KLF12: variants seen among roughly 807,000 people sequenced by gnomAD.
The protein encoded by KLF12 is KLF transcription factor 12, also known as Krueppel-like factor 12.
A neutral mutation model predicts 37.8 loss-of-function variants in KLF12; 9 were observed. That is an observed-to-expected ratio of 0.24 (90% confidence interval 0.14 to 0.42). The LOEUF is 0.42. Among genes scored for constraint, KLF12 ranks in the 10% least tolerant of loss-of-function variants. KLF12 has a pLI of 1.00. For missense variants in KLF12, 411 were observed against 516.0 expected (o/e 0.80, Z 1.97); for synonymous variants, 208 against 202.1 (o/e 1.03, Z -0.25).
intron 3 of KLF12, among the ~76,000 whole-genome samples, chr13:73,872,790 A>C (rs1886532550): frequency 6.6e-6 from 1 of 152,186 alleles, no homozygotes; most frequent in South Asian, 2.1e-4. Flanking sequence ...AGTGGTAAGC[A>C]ATGGAAGGCT....
Position 74,069,788 on chromosome 13 carries a change from G to A in KLF12, c.-32+63951C>T, listed in dbSNP as rs74560202. Among the ~76,000 whole-genome samples, 397 of 152,200 alleles carry A rather than the reference G, an allele frequency of 2.6e-3. 5 individuals are homozygous for A. Among genetic ancestry groups the A allele is most frequent in the African/African-American group, 9.2e-3 (381 of 41,538 alleles). ...AGCATGACTTGGTGACTCATGAGAC[G>A]TGAAAAGAGTGAAGGATAATACTGA... On this transcript the variant is annotated intron_variant, in intron 1 of 7. Transcript: ENST00000377669.
the KLF12 span, among the ~76,000 whole-genome samples, chr13:74,281,198 C>A: frequency 6.6e-6 from 1 of 151,890 alleles, no homozygotes; most frequent in Non-Finnish European, 1.5e-5. Context: ...TCTTAAGACA[C>A]CCACACACTA....
At chr13:74,083,917 G>A (rs1369517133) in intron 1 of KLF12, among the ~76,000 whole-genome samples, 1 of 152,156 alleles carries the variant, frequency 6.6e-6, no homozygotes, top group Non-Finnish European at 1.5e-5. Context: ...TATGAACTAG[G>A]CAGAAGTTTT....
At chr13:74,163,363 T>C in the KLF12 span, among the ~76,000 whole-genome samples, 8 of 152,098 alleles carry the variant, frequency 5.3e-5, no homozygotes, top group Non-Finnish European at 4.4e-5. Flanking sequence ...ATAAAGAAAA[T>C]GTGATATATA....
At chr13:73,932,167 T>C (rs1265763000) in intron 3 of KLF12, among the ~76,000 whole-genome samples, 1 of 152,170 alleles carries the variant, frequency 6.6e-6, no homozygotes, top group African/African-American at 2.4e-5. Context: ...TATAATTAGT[T>C]ATGACAAGAA....
chr13:74,294,512 G>T, the KLF12 span, among the ~76,000 whole-genome samples: 1 of 152,002 alleles, frequency 6.6e-6, no homozygotes, highest in African/African-American at 2.4e-5. Context: ...GGGATTACAG[G>T]CACGCGCCAC....
chr13:73,974,310 C>CAAAAAAAAAAAAAAAAAAAA (rs61516158), intron 2 of KLF12, among the ~76,000 whole-genome samples: 5 of 146,234 alleles, frequency 3.4e-5, no homozygotes, highest in African/African-American at 1.3e-4. Flanking sequence ...AACTTCAAGA[C>CAAAAAAAAAAAAAAAAAAAA]AAAAAAAAAA....
At chr13:74,141,988 A>G in the KLF12 span, among the ~76,000 whole-genome samples, 1 of 152,200 alleles carries the variant, frequency 6.6e-6, no homozygotes, top group African/African-American at 2.4e-5. Context: ...AAAAAGAAAA[A>G]TATACCATTG....
chr13:74,159,638 GTCAT>G, the KLF12 span, among the ~76,000 whole-genome samples: 1 of 152,134 alleles, frequency 6.6e-6, no homozygotes, highest in South Asian at 2.1e-4. Context: ...ATACCTTAAG[GTCAT>G]TCAATTTCTT....
intron 3 of KLF12, among the ~76,000 whole-genome samples, chr13:73,943,217 GC>G (rs1407468571): frequency 6.6e-6 from 1 of 152,126 alleles, no homozygotes; most frequent in Non-Finnish European, 1.5e-5. Flanking sequence ...CACCTGTGCT[GC>G]CTCAGTGGTG....
chr13:74,052,058 A>T (rs142086458), intron 1 of KLF12, among the ~76,000 whole-genome samples: 1,556 of 152,304 alleles, frequency 0.01, 19 homozygotes, highest in African/African-American at 0.031. Context: ...AAAAAAAAGA[A>T]GATAAAGATT....
At chr13:73,781,695 C>T (rs1880976388) in intron 5 of KLF12, among the ~76,000 whole-genome samples, 2 of 152,150 alleles carry the variant, frequency 1.3e-5, no homozygotes, top group Admixed American at 1.3e-4. Context: ...AAGCAAGTGT[C>T]TTGACAGAGT....
At chr13:73,708,390 C>CA (rs549952687) in intron 7 of KLF12, among the ~76,000 whole-genome samples, 2 of 151,860 alleles carry the variant, frequency 1.3e-5, no homozygotes, top group Admixed American at 6.6e-5. Flanking sequence ...AATTCCTTTG[C>CA]AAAAAAAATT....
the KLF12 span, among the ~76,000 whole-genome samples, chr13:74,146,742 T>C: frequency 6.6e-6 from 1 of 152,224 alleles, no homozygotes; most frequent in South Asian, 2.1e-4. Flanking sequence ...AAGTGTTTGA[T>C]GTGTATTTTC....
At chr13:73,938,997 A>G (rs978237126) in intron 3 of KLF12, among the ~76,000 whole-genome samples, 3 of 152,206 alleles carry the variant, frequency 2.0e-5, no homozygotes, top group Non-Finnish European at 4.4e-5. Flanking sequence ...GACTGCTTAG[A>G]GCACTTAAAA....
At chr13:73,831,132 T>C (rs1884134744) in intron 4 of KLF12, among the ~76,000 whole-genome samples, 1 of 152,174 alleles carries the variant, frequency 6.6e-6, no homozygotes, top group South Asian at 2.1e-4. Context: ...TGAGGAATTA[T>C]GGAATTGGAT....
chr13:74,241,349 C>A, the KLF12 span, among the ~76,000 whole-genome samples: 1 of 152,298 alleles, frequency 6.6e-6, no homozygotes, highest in Non-Finnish European at 1.5e-5. Context: ...CTCTTCAAAG[C>A]TGTCAGACAG....
chr13:74,295,034 C>G, the KLF12 span, among the ~76,000 whole-genome samples: 1 of 152,094 alleles, frequency 6.6e-6, no homozygotes, highest in Non-Finnish European at 1.5e-5. Context: ...GGAATACAAA[C>G]TCCTTCAATT....
chr13:73,962,421 C>A (rs1415100876), intron 2 of KLF12, among the ~76,000 whole-genome samples: 1 of 152,140 alleles, frequency 6.6e-6, no homozygotes, highest in Non-Finnish European at 1.5e-5. Flanking sequence ...CATCAATATG[C>A]ACTTGTCAAA....
Sources: gnomAD v4.1 joint callset for allele counts (sites outside exome capture counted in the v4.1 genomes callset) on GRCh38, gnomAD v4.1.1 for gene constraint, MANE v1.5 for transcripts, NCBI Gene and HGNC (gene_info 2026-07-23, HGNC 2026-07-21) for gene names.